GRIP2: variants seen among roughly 807,000 people sequenced by gnomAD.
The protein encoded by GRIP2 is glutamate receptor interacting protein 2, also known as glutamate receptor-interacting protein 2.
A neutral mutation model predicts 108.3 loss-of-function variants in GRIP2; 58 were observed. The ratio of observed to expected loss-of-function variants is 0.54; its 90% confidence interval spans 0.43 to 0.67. GRIP2 has a LOEUF of 0.67. Among genes scored for constraint, GRIP2 ranks in the 30% least tolerant of loss-of-function variants. The pLI is 0.00. For synonymous variants in GRIP2, 586 were observed against 598.2 expected (o/e 0.98, Z 0.30); for missense variants, 1,278 against 1,430.6 (o/e 0.89, Z 1.72).
chr3:14,499,568 A>G (rs909130370), intron 21 of GRIP2, among the ~76,000 whole-genome samples: 14 of 151,882 alleles, frequency 9.2e-5, no homozygotes, highest in African/African-American at 2.9e-4. Flanking sequence ...AAAAGAAAAA[A>G]AAAAATTAAC....
the GRIP2 span, among the ~76,000 whole-genome samples, chr3:14,589,600 G>A: frequency 3.9e-5 from 6 of 152,026 alleles, no homozygotes; most frequent in South Asian, 2.1e-4. Flanking sequence ...TGTCTAGTGC[G>A]TCTGTGATAG....
chr3:14,523,394 A>G (rs1694465490), intron 5 of GRIP2: 1 of 581,028 alleles, frequency 1.7e-6, no homozygotes, highest in Non-Finnish European at 3.1e-6. Flanking sequence ...TTTCACCATC[A>G]TTTTCCGGTA....
At position 14,524,553 on chromosome 3, in the gene GRIP2, C is replaced by G. The variant is rs145472583; in HGVS notation, c.258-15G>C. 4.6e-4 allele frequency: 710 copies of G among 1,550,614 alleles called. No homozygotes were observed. Among genetic ancestry groups the G allele is most frequent in the Non-Finnish European group, 6.0e-4 (687 of 1,146,364 alleles). On this transcript the variant is annotated splice_polypyrimidine_tract_variant and intron_variant, in intron 3 of 23. Transcript: ENST00000621039. Reference sequence around the variant, plus strand: ...GCAGATCACTCCTAGAGCAGGAAGGCCAGGGCACACATGGTAACAGGTGCT... The same window carrying G: ...GCAGATCACTCCTAGAGCAGGAAGGGCAGGGCACACATGGTAACAGGTGCT...
At chr3:14,602,962 G>A in the GRIP2 span, among the ~76,000 whole-genome samples, 3 of 148,922 alleles carry the variant, frequency 2.0e-5, no homozygotes, top group East Asian at 5.9e-4. The surrounding 1 kb of genome is among the most constrained non-coding windows in gnomAD (Gnocchi z 4.7). Flanking sequence ...AGAGCGCGAG[G>A]TTCCTCCGCC....
chr3:14,582,575 G>A, the GRIP2 span, among the ~76,000 whole-genome samples: 3 of 152,152 alleles, frequency 2.0e-5, no homozygotes, highest in South Asian at 2.1e-4. Context: ...TATCTGCTTC[G>A]TGTCCAGAGC....
chr3:14,517,739 A>G (rs1180303703), intron 10 of GRIP2, 33 bp downstream of exon 10: 1 of 1,607,264 alleles, frequency 6.2e-7, no homozygotes, highest in Admixed American at 1.7e-5. Context: ...AGGCTACAAG[A>G]CTGGCTGAGC....
At chr3:14,569,700 G>C in the GRIP2 span, among the ~76,000 whole-genome samples, 5 of 152,162 alleles carry the variant, frequency 3.3e-5, no homozygotes, top group Non-Finnish European at 5.9e-5. Context: ...CCCTCTTGCT[G>C]CAACTGGTGC....
chr3:14,600,391 C>T, the GRIP2 span, among the ~76,000 whole-genome samples: 3 of 152,184 alleles, frequency 2.0e-5, no homozygotes, highest in African/African-American at 7.2e-5. Flanking sequence ...CAGGTGAAAG[C>T]AACTGAAGCT....
rs749281834 is a variant in GRIP2, at chr3:14,506,980, C to T, written c.2219G>A (p.Arg740His). The T allele has an allele frequency of 5.0e-6, 8 of 1,598,208 alleles. No individual in the cohort carries two copies. The highest frequency in any genetic ancestry group is 6.8e-6 in the Non-Finnish European group (8 of 1,171,956). ...GCCCGACTTGCGGGGTAGGAGGGGA[C>T]CTGGGAGGAGAGAGGGGTGTCAATT... The part of the protein sequence containing the change: ...VTLKIKKQLD[R>H]PLLPRKSGSL... Residue 740 changes from arginine to histidine, a missense_variant and splice_region_variant, in exon 19 of 24, where the codon CGT becomes CAT. Arg to His is a conservative substitution (Grantham distance 29, BLOSUM62 0). Coordinates refer to ENST00000621039, the MANE Select transcript of GRIP2 (RefSeq NM_001080423.4).
the GRIP2 span, chr3:14,602,255 C>G: frequency 6.6e-6 from 1 of 152,054 alleles, no homozygotes; most frequent in African/African-American, 2.4e-5. This position sits in a 1 kb window ranked among gnomAD's most constrained non-coding sequence, Gnocchi z 4.7. Context: ...GGTCAGACAA[C>G]AGGTACGCGG....
At chr3:14,533,352 GCT>G (rs1160582029) in intron 1 of GRIP2, among the ~76,000 whole-genome samples, 1 of 152,184 alleles carries the variant, frequency 6.6e-6, no homozygotes, top group Non-Finnish European at 1.5e-5. Flanking sequence ...TCTATCTCCA[GCT>G]GTCTTGGGAA....
chr3:14,519,755 G>A (rs1694353375), intron 9 of GRIP2, among the ~76,000 whole-genome samples: 1 of 152,206 alleles, frequency 6.6e-6, no homozygotes, highest in South Asian at 2.1e-4. Context: ...GCCTCCTCTG[G>A]ATCTGCTGAG....
In GRIP2 at chr3:14,511,320, T is replaced by A; in HGVS notation, c.1788-10A>T. On this transcript the variant is annotated splice_polypyrimidine_tract_variant and intron_variant, in intron 15 of 23. Transcript: ENST00000621039. This position sits in a 1 kb window ranked among gnomAD's most constrained non-coding sequence, Gnocchi z 4.1. ...CTCCAGGGTGCCCGTCCTGCATGAG[T>A]CGGGGGCAGAGGGGATGGAAGGAGC... 6.2e-7 allele frequency: 1 copy of A among 1,613,850 alleles called. No individual in the cohort carries two copies. Among genetic ancestry groups the A allele is most frequent in the Non-Finnish European group, 8.5e-7 (1 of 1,179,852 alleles).
chr3:14,588,677 G>A, the GRIP2 span, among the ~76,000 whole-genome samples: 1 of 152,336 alleles, frequency 6.6e-6, no homozygotes, highest in East Asian at 1.9e-4. Context: ...AAGGCAAGCA[G>A]TAAATTTAAG....
intron 1 of GRIP2, among the ~76,000 whole-genome samples, chr3:14,554,383 C>T (rs778256436): frequency 2.0e-5 from 3 of 152,220 alleles, no homozygotes; most frequent in African/African-American, 4.8e-5. Context: ...TCTGTCCCTC[C>T]AGCCTGGGAG....
the GRIP2 span, among the ~76,000 whole-genome samples, chr3:14,571,332 G>A: frequency 3.9e-5 from 6 of 152,072 alleles, no homozygotes; most frequent in Non-Finnish European, 8.8e-5. Context: ...CTCAAGTAGC[G>A]CCCGTCAGAT....
At chr3:14,578,141 T>G in the GRIP2 span, among the ~76,000 whole-genome samples, 1 of 152,170 alleles carries the variant, frequency 6.6e-6, no homozygotes, top group Non-Finnish European at 1.5e-5. Context: ...AGCTGAGCCT[T>G]TGGGAAGAAC....
At chr3:14,529,927 G>A (rs566546798) in intron 1 of GRIP2, among the ~76,000 whole-genome samples, 60 of 152,230 alleles carry the variant, frequency 3.9e-4, no homozygotes, top group African/African-American at 1.4e-3. Flanking sequence ...GCTTGCCAAA[G>A]TATCATTACC....
At chr3:14,494,805 A>T (rs748656109) in intron 23 of GRIP2, 38 bp downstream of exon 23, 1 of 1,593,106 alleles carries the variant, frequency 6.3e-7, no homozygotes, top group African/African-American at 1.3e-5. Flanking sequence ...CTAGGAAACA[A>T]TGCCACCCCC....
Sources: allele counts gnomAD v4.1 joint callset (sites outside exome capture counted in the v4.1 genomes callset), GRCh38; gene constraint gnomAD v4.1.1; non-coding constraint Gnocchi (gnomAD v3.1); transcripts MANE v1.5; gene names NCBI Gene and HGNC (gene_info 2026-07-23, HGNC 2026-07-21).